The following GALNT13 variants were observed in gnomAD, a reference collection of about 807,000 sequenced individuals.
GALNT13 encodes the protein polypeptide N-acetylgalactosaminyltransferase 13.
A neutral mutation model predicts 64.2 loss-of-function variants in GALNT13; 28 were observed. The observed-to-expected ratio is 0.44, with a 90% CI of 0.32 to 0.60. GALNT13 has a LOEUF of 0.60. GALNT13 is among the 20% of genes least tolerant of loss of function. The pLI, the probability that GALNT13 is intolerant of heterozygous loss-of-function variation, is 0.05. For synonymous variants in GALNT13, 214 were observed against 224.6 expected, an observed-to-expected ratio of 0.95 and a Z score of 0.42; for missense variants, 577 against 669.8, an observed-to-expected ratio of 0.86 and a Z score of 1.53.
chr2:153,778,283 G>T, the GALNT13 span, among the ~76,000 whole-genome samples: 3 of 152,196 alleles, frequency 2.0e-5, no homozygotes, highest in Non-Finnish European at 2.9e-5. Context: ...CACAGGATGG[G>T]GGCATGGCAG....
At chr2:153,383,111 A>G in the GALNT13 span, among the ~76,000 whole-genome samples, 1 of 152,102 alleles carries the variant, frequency 6.6e-6, no homozygotes, top group Non-Finnish European at 1.5e-5. Context: ...TTAGTAGTGA[A>G]TTCACAAACT....
chr2:153,478,298 A>G, the GALNT13 span: 6 of 1,614,056 alleles, frequency 3.7e-6, no homozygotes, highest in Non-Finnish European at 3.4e-6. Context: ...TTCACGAGGA[A>G]GTTGATCATG....
chr2:153,657,979 G>C, the GALNT13 span, among the ~76,000 whole-genome samples: 2 of 151,980 alleles, frequency 1.3e-5, no homozygotes, highest in Non-Finnish European at 2.9e-5. Flanking sequence ...CTGCAGCATA[G>C]GGTTGAAGTG....
the GALNT13 span, among the ~76,000 whole-genome samples, chr2:153,338,222 G>T: frequency 0.012 from 1,751 of 152,236 alleles, 13 homozygotes; most frequent in Non-Finnish European, 0.021. Flanking sequence ...GAGCCCAGAA[G>T]ATTGAGGCTG....
intron 9 of GALNT13, among the ~76,000 whole-genome samples, chr2:154,344,551 T>C (rs1321834728): frequency 6.6e-6 from 1 of 151,992 alleles, no homozygotes; most frequent in African/African-American, 2.4e-5. Context: ...GTGATGTAAG[T>C]GTTGTCTTCG....
At chr2:153,892,236 T>A (rs1687600841) in intron 1 of GALNT13, among the ~76,000 whole-genome samples, 1 of 152,052 alleles carries the variant, frequency 6.6e-6, no homozygotes, top group Non-Finnish European at 1.5e-5. Flanking sequence ...ATTCATTCTA[T>A]AAATGTCTTG....
chr2:153,496,204 T>C, the GALNT13 span, among the ~76,000 whole-genome samples: 1 of 152,196 alleles, frequency 6.6e-6, no homozygotes, highest in Admixed American at 6.5e-5. Context: ...TTCATAGCAT[T>C]GTTCCATTTT....
chr2:153,141,957 T>A, the GALNT13 span, among the ~76,000 whole-genome samples: 4 of 151,954 alleles, frequency 2.6e-5, no homozygotes, highest in African/African-American at 9.7e-5. Context: ...TATCAAGCAA[T>A]ACAATTTAGG....
chr2:154,451,759 A>C lies in GALNT13; in HGVS notation c.*1208A>C, dbSNP rs1701879227. On this transcript the variant is annotated 3_prime_UTR_variant, in exon 13 of 13. Coordinates refer to ENST00000392825, the MANE Select transcript of GALNT13 (RefSeq NM_052917.4). ...TAGCAGAGGCCATGAAAGTGAAAAA[A>C]AATCAGATTTTTGCTAGTAAGTTTT... The C allele has an allele frequency of 6.6e-6, 1 of 152,130 alleles. No homozygotes were observed. The highest frequency in any genetic ancestry group is 6.6e-5 in the Admixed American group (1 of 15,228). 9.4% of individuals were successfully genotyped at this position (152,130 alleles called of 1,614,324 possible). A position where few individuals can be genotyped will look rare whatever the true frequency, so the allele number is the denominator to read the frequency against.
At chr2:153,565,939 C>T in the GALNT13 span, among the ~76,000 whole-genome samples, 1 of 151,884 alleles carries the variant, frequency 6.6e-6, no homozygotes, top group Non-Finnish European at 1.5e-5. Flanking sequence ...ATGACTGGTA[C>T]ATAAAAAATG....
the GALNT13 span, among the ~76,000 whole-genome samples, chr2:153,260,183 G>A: frequency 6.6e-6 from 1 of 152,046 alleles, no homozygotes; most frequent in African/African-American, 2.4e-5. Flanking sequence ...AAAAGTTACT[G>A]TAGTATTTTA....
At chr2:154,041,038 A>T (rs1044856346) in intron 3 of GALNT13, among the ~76,000 whole-genome samples, 1 of 139,644 alleles carries the variant, frequency 7.2e-6, no homozygotes, top group Non-Finnish European at 1.6e-5. Context: ...GCATGGGATT[A>T]TATTGGTTTG....
At chr2:154,419,666 G>A (rs1276839777) in intron 11 of GALNT13, among the ~76,000 whole-genome samples, 2 of 152,038 alleles carry the variant, frequency 1.3e-5, no homozygotes. Flanking sequence ...GATTCCTTGT[G>A]TCCATAATAT....
At chr2:153,591,247 C>T in the GALNT13 span, among the ~76,000 whole-genome samples, 1 of 151,810 alleles carries the variant, frequency 6.6e-6, no homozygotes, top group Non-Finnish European at 1.5e-5. Context: ...TATATTTAAC[C>T]AAGGAGATAA....
the GALNT13 span, among the ~76,000 whole-genome samples, chr2:153,654,781 A>G: frequency 6.6e-6 from 1 of 152,136 alleles, no homozygotes; most frequent in East Asian, 1.9e-4. Context: ...TGCAAATACT[A>G]TGCCATTTAC....
chr2:153,504,114 G>A, the GALNT13 span, among the ~76,000 whole-genome samples: 1 of 152,122 alleles, frequency 6.6e-6, no homozygotes, highest in African/African-American at 2.4e-5. Flanking sequence ...TCCTTGGTTA[G>A]GTATATTCCT....
At chr2:153,515,771 A>G in the GALNT13 span, among the ~76,000 whole-genome samples, 1 of 152,186 alleles carries the variant, frequency 6.6e-6, no homozygotes, top group East Asian at 1.9e-4. Context: ...AAAATGATCC[A>G]GAAGGTGTTC....
the GALNT13 span, among the ~76,000 whole-genome samples, chr2:153,541,007 T>G: frequency 6.6e-6 from 1 of 152,092 alleles, no homozygotes; most frequent in South Asian, 2.1e-4. Flanking sequence ...TGTTTTGAAA[T>G]GTGAGGACAT....
chr2:153,561,837 T>A, the GALNT13 span, among the ~76,000 whole-genome samples: 73,738 of 151,892 alleles, frequency 0.49, 18,539 homozygotes, highest in African/African-American at 0.61. Context: ...AAATTTTATT[T>A]AAAAAATTTC....
Sources: allele counts gnomAD v4.1 joint callset (sites outside exome capture counted in the v4.1 genomes callset), GRCh38; gene constraint gnomAD v4.1.1; transcripts MANE v1.5; gene names NCBI Gene and HGNC (gene_info 2026-07-23, HGNC 2026-07-21).